Variants in UMODL1 observed in about 807,000 individuals in gnomAD.
The protein encoded by UMODL1 is uromodulin like 1.
In UMODL1, 128 loss-of-function variants were observed where a neutral mutation model predicts 136.3. The observed-to-expected ratio is 0.94, with a 90% CI of 0.81 to 1.09. The LOEUF (loss-of-function observed/expected upper bound fraction) is 1.09. Among genes scored for constraint, UMODL1 ranks in the 50% least tolerant of loss-of-function variants. The pLI is 0.00. For missense variants in UMODL1, 1,766 were observed against 1,725.6 expected (o/e 1.02, Z -0.41); for synonymous variants, 721 against 720.0 (o/e 1.00, Z -0.02).
chr21:42,109,037 G>T (rs2066773542), intron 9 of UMODL1, among the ~76,000 whole-genome samples: 1 of 135,608 alleles, frequency 7.4e-6, no homozygotes, highest in Admixed American at 7.5e-5. Context: ...ATACTCCACT[G>T]GCCCCCACCC....
intron 10 of UMODL1, among the ~76,000 whole-genome samples, chr21:42,110,318 C>G (rs915339525): frequency 3.3e-5 from 5 of 152,226 alleles, no homozygotes; most frequent in Admixed American, 3.3e-4. Context: ...GCAGAGGCGC[C>G]CAGCCACTGG....
At chr21:42,121,873 G>T (rs2066977220) in intron 16 of UMODL1, among the ~76,000 whole-genome samples, 1 of 152,212 alleles carries the variant, frequency 6.6e-6, no homozygotes, top group Non-Finnish European at 1.5e-5. Flanking sequence ...GGTCTTAATG[G>T]ATAGCTAAGA....
chr21:42,082,487 G>C (rs1269126087), intron 2 of UMODL1, among the ~76,000 whole-genome samples: 2 of 152,206 alleles, frequency 1.3e-5, no homozygotes, highest in African/African-American at 4.8e-5. Context: ...CCATGTATCT[G>C]GGCATGAACT....
chr21:42,098,953 T>C lies in UMODL1; in HGVS notation c.959T>C (p.Val320Ala), dbSNP rs1450714408. ...EDCPPVSDYV[V>A]LNVTSDSFQV... ...TGTCCTCCAGTCAGTGACTACGTGG[T>C]CCTCAACGTCACCAGTGACAGTTTT... Residue 320 changes from valine (V) to alanine (A), a missense_variant, in exon 7 of 23, where the codon GTC (valine) becomes GCC (alanine). By Grantham distance (64) the Val-to-Ala change is moderately conservative. Transcript: ENST00000408910. The C allele has an allele frequency of 6.2e-7, 1 of 1,614,174 alleles. No individual in the cohort carries two copies. Among genetic ancestry groups the C allele is most frequent in the Non-Finnish European group, 8.5e-7 (1 of 1,180,040 alleles).
At chr21:42,108,360 T>A (rs772613938) in intron 9 of UMODL1, 2 of 524,208 alleles carry the variant, frequency 3.8e-6, no homozygotes, top group East Asian at 5.6e-5. Flanking sequence ...AGTGTTCTGA[T>A]GGCAAGGCAG....
At position 42,082,940 on chromosome 21, in the gene UMODL1, C is replaced by T. The variant is rs142841376; in HGVS notation, c.320-1144C>T. Among the ~76,000 whole-genome samples, 424 of 152,308 alleles carry T rather than the reference C, an allele frequency of 2.8e-3. 5 individuals are homozygous for T. Among genetic ancestry groups the T allele is most frequent in the African/African-American group, 9.7e-3 (401 of 41,550 alleles). ...TCTATAAGCCCCTTTTTCTGGAAAGCCCACCGTGGCCTCCCCCTGCAGCCT... is the reference window on the plus strand; with the variant it reads ...TCTATAAGCCCCTTTTTCTGGAAAGTCCACCGTGGCCTCCCCCTGCAGCCT... On this transcript the variant is annotated intron_variant, in intron 2 of 22. Coordinates refer to ENST00000408910, the MANE Select transcript of UMODL1 (RefSeq NM_001004416.3).
chr21:42,077,654 A>G (rs148995699), intron 2 of UMODL1, among the ~76,000 whole-genome samples: 1 of 152,362 alleles, frequency 6.6e-6, no homozygotes, highest in East Asian at 1.9e-4. Flanking sequence ...AGTTAACTGC[A>G]TTCTTGGATG....
At chr21:42,115,317 A>G (rs1460683496) in intron 13 of UMODL1, among the ~76,000 whole-genome samples, 1 of 152,202 alleles carries the variant, frequency 6.6e-6, no homozygotes, top group Non-Finnish European at 1.5e-5. Context: ...ATTCAGATGG[A>G]ACAGATGATG....
chr21:42,112,651 C>T lies in UMODL1; in HGVS notation c.2105-922C>T, dbSNP rs112206864. 3.0e-3 allele frequency among the ~76,000 whole-genome samples: 451 copies of T among 151,822 alleles called. 3 individuals are homozygous for T. The highest frequency in any genetic ancestry group is 0.01 in the African/African-American group (424 of 41,374). On this transcript the variant is annotated intron_variant, in intron 12 of 22. Coordinates refer to ENST00000408910, the MANE Select transcript of UMODL1 (RefSeq NM_001004416.3). Reference sequence around the variant, plus strand: ...GTTCTGCACCTCCATAGGTGTTCTGCACCTCCCCAGCTGTTTTGTGCCCCC... The same window carrying T: ...GTTCTGCACCTCCATAGGTGTTCTGTACCTCCCCAGCTGTTTTGTGCCCCC...
intron 21 of UMODL1, among the ~76,000 whole-genome samples, chr21:42,130,742 T>C (rs897157677): frequency 2.0e-5 from 3 of 151,908 alleles, no homozygotes; most frequent in Non-Finnish European, 4.4e-5. Flanking sequence ...GCCCAGTCCT[T>C]GGAGGGATCT....
intron 1 of UMODL1, among the ~76,000 whole-genome samples, chr21:42,066,179 A>G (rs2066181393): frequency 6.6e-6 from 1 of 152,236 alleles, no homozygotes; most frequent in African/African-American, 2.4e-5. Context: ...AAACCACCTC[A>G]GGATTTCAAG....
chr21:42,115,973 A>C lies in UMODL1; in HGVS notation c.2463A>C (p.Leu821=). Residue 821 remains leucine, a synonymous_variant, in exon 14 of 23, where the codon CTA becomes CTC. Transcript: ENST00000408910. ...AGGAGTATCGAGATTTCCTAGAACTATTCTTCAGGATGGTGAGTTGGTGAT... is the reference window on the plus strand; with the variant it reads ...AGGAGTATCGAGATTTCCTAGAACTCTTCTTCAGGATGGTGAGTTGGTGAT... ...SSQEYRDFLE[L]FFRMVRGSLP... is the part of the protein sequence containing the mutation. 1 of 1,612,596 alleles carries C rather than the reference A, an allele frequency of 6.2e-7. No individual in the cohort carries two copies. Among genetic ancestry groups the C allele is most frequent in the Non-Finnish European group, 8.5e-7 (1 of 1,178,926 alleles).
At chr21:42,069,269 A>AC (rs1171449440), upstream of UMODL1, among the ~76,000 whole-genome samples, 2 of 46,614 alleles carry the variant, frequency 4.3e-5, no homozygotes, top group Non-Finnish European at 6.2e-5. Context: ...CACACACACA[A>AC]ACAGCAGGGG....
chr21:42,101,826 C>A, intron 7 of UMODL1: 1 of 438,876 alleles, frequency 2.3e-6, no homozygotes, highest in South Asian at 1.6e-5. Context: ...GTGTGAGTAC[C>A]TCCTGGGCCC....
chr21:42,078,597 G>A (rs1232475), intron 2 of UMODL1, among the ~76,000 whole-genome samples: 3 of 23,890 alleles, frequency 1.3e-4, no homozygotes, highest in South Asian at 1.5e-3. Flanking sequence ...GAAACCAGGC[G>A]GGGCCAGCTG....
At chr21:42,111,844 C>G (rs1255737377) in intron 12 of UMODL1, 134 bp downstream of exon 12, 2 of 950,228 alleles carry the variant, frequency 2.1e-6, no homozygotes, top group Admixed American at 6.0e-5. Context: ...TCATCTTGTG[C>G]GTGTGGAAAC....
rs1601259018 is a variant in UMODL1 at position 42,122,689 on chromosome 21, G to A, written c.2828-142G>A. The stretch of plus-strand genomic sequence containing the variant: ...TGTGTGTGTGTGTGTGTGCACGTGT[G>A]TAGTTGTGGCTGGAACATGCGGTTC... On this transcript the variant is annotated intron_variant, in intron 16 of 22. Coordinates refer to ENST00000408910, the MANE Select transcript of UMODL1 (RefSeq NM_001004416.3). This position sits in a 1 kb window ranked among gnomAD's most constrained non-coding sequence, Gnocchi z 4.3. The A allele has an allele frequency of 1.4e-6, 1 of 717,198 alleles. No individual in the cohort carries two copies. The highest frequency in any genetic ancestry group is 1.8e-5 in the African/African-American group (1 of 56,224). 44.4% of individuals were successfully genotyped at this position (717,198 alleles called of 1,614,324 possible). A position where few individuals can be genotyped will look rare whatever the true frequency, so the allele number is the denominator to read the frequency against.
chr21:42,114,724 C>T (rs1332317904), intron 13 of UMODL1, among the ~76,000 whole-genome samples: 2 of 152,246 alleles, frequency 1.3e-5, no homozygotes, highest in African/African-American at 2.4e-5. Context: ...GAGTGCATGA[C>T]GTGAATTGTG....
At chr21:42,129,650 C>T in intron 20 of UMODL1, 63 bp from the exon 21 acceptor site, 1 of 1,418,974 alleles carries the variant, frequency 7.0e-7, no homozygotes, top group Middle Eastern at 1.8e-4. Flanking sequence ...TTGATAGTAG[C>T]TCCTTTCTCA....
Sources: allele counts gnomAD v4.1 joint callset (sites outside exome capture counted in the v4.1 genomes callset), GRCh38; gene constraint gnomAD v4.1.1; non-coding constraint Gnocchi (gnomAD v3.1); transcripts MANE v1.5; gene names NCBI Gene and HGNC (gene_info 2026-07-23, HGNC 2026-07-21).